ADK: variants seen among roughly 807,000 people sequenced by gnomAD.
The protein encoded by ADK is adenosine kinase, also known as N6,N6-dimethyladenosine kinase.
In ADK, 24 loss-of-function variants were observed where a neutral mutation model predicts 44.7. The ratio of observed to expected loss-of-function variants is 0.54; its 90% CI spans 0.39 to 0.76. The LOEUF (loss-of-function observed/expected upper bound fraction) is 0.76. ADK is among the 30% of genes least tolerant of loss of function. ADK has a pLI of 0.00. For missense variants in ADK, 321 were observed against 425.1 expected (o/e 0.76, Z 2.15); for synonymous variants, 128 against 142.6 (o/e 0.90, Z 0.73).
At chr10:74,462,135 T>G (rs1846192400) in intron 6 of ADK, among the ~76,000 whole-genome samples, 1 of 152,148 alleles carries the variant, frequency 6.6e-6, no homozygotes, top group Admixed American at 6.5e-5. Context: ...TTTGTTGTTT[T>G]GTTTTTATAC....
intron 7 of ADK, among the ~76,000 whole-genome samples, chr10:74,545,031 G>T (rs1236676205): frequency 6.6e-6 from 1 of 152,036 alleles, no homozygotes; most frequent in Non-Finnish European, 1.5e-5. Flanking sequence ...AACAATTGGG[G>T]TTTTACCAAA....
intron 8 of ADK, among the ~76,000 whole-genome samples, chr10:74,595,277 T>C (rs1851864890): frequency 6.6e-6 from 1 of 150,598 alleles, no homozygotes; most frequent in African/African-American, 2.4e-5. Flanking sequence ...TGTCTGGTGC[T>C]CTTTACTATA....
intron 9 of ADK, among the ~76,000 whole-genome samples, chr10:74,627,749 C>A (rs1290773799): frequency 1.3e-5 from 2 of 152,132 alleles, no homozygotes; most frequent in African/African-American, 4.8e-5. Context: ...CCTCCCACCT[C>A]AACCTCCCCA....
At chr10:74,312,320 G>A (rs1332790676) in intron 3 of ADK, among the ~76,000 whole-genome samples, 1 of 151,776 alleles carries the variant, frequency 6.6e-6, no homozygotes. Context: ...GTATATATAT[G>A]TGTGTATATA....
rs1842128326 is a variant in ADK, at chr10:74,356,004, T to TTGG, written c.274-38136_274-38135insGGT. Among the ~76,000 whole-genome samples, 10 of 2,756 alleles carry TTGG rather than the reference T, an allele frequency of 3.6e-3. 2 individuals are homozygous for TTGG. The highest frequency in any genetic ancestry group is 0.01 in the Admixed American group (2 of 198). The allele number at this position is 2,756 out of a possible 152,430, so 1.8% of individuals were successfully genotyped here. On this transcript the variant is annotated intron_variant, in intron 4 of 10. Coordinates refer to ENST00000539909, the MANE Select transcript of ADK (RefSeq NM_006721.4). The stretch of plus-strand genomic sequence containing the variant: ...TGAAATATTTCACTAAATAATTCAT[T>TTGG]TTTTTTTTTTTTTTTTTTTTTTTTT...
chr10:74,603,212 T>C (rs943836786), intron 9 of ADK, among the ~76,000 whole-genome samples: 1 of 152,120 alleles, frequency 6.6e-6, no homozygotes, highest in East Asian at 1.9e-4. Context: ...AAGGCAGTGC[T>C]AACACACATA....
chr10:74,421,921 A>G (rs1844569065), intron 6 of ADK, among the ~76,000 whole-genome samples: 1 of 152,182 alleles, frequency 6.6e-6, no homozygotes, highest in Non-Finnish European at 1.5e-5. Context: ...TAAATTGTAT[A>G]AATAAGTAAA....
chr10:74,537,580 TATTAA>T (rs1372075528), intron 7 of ADK, among the ~76,000 whole-genome samples: 2 of 152,206 alleles, frequency 1.3e-5, no homozygotes, highest in African/African-American at 4.8e-5. Flanking sequence ...TTTTCATTTT[TATTAA>T]ATTAAGAAGG....
At chr10:74,388,628 T>C (rs1843229557) in intron 4 of ADK, among the ~76,000 whole-genome samples, 1 of 152,168 alleles carries the variant, frequency 6.6e-6, no homozygotes, top group Non-Finnish European at 1.5e-5. Flanking sequence ...ATTGTAAATA[T>C]TGTTTTCTTA....
In ADK at chr10:74,608,912, A is replaced by G. The variant is rs193225012; in HGVS notation, c.877+8419A>G. ...TGGGGCTGCTGCCTTTCTTTCATAG[A>G]TGCCCTGCCCAGAGAGGAGGAATCT... On this transcript the variant is annotated intron_variant, in intron 9 of 10. Transcript: ENST00000539909. 4.8e-3 allele frequency among the ~76,000 whole-genome samples: 728 copies of G among 152,218 alleles called. 3 individuals carry two copies. The highest frequency in any genetic ancestry group is 0.016 in the African/African-American group (649 of 41,566).
chr10:74,165,884 C>T (rs1842021350), intron 1 of ADK, among the ~76,000 whole-genome samples: 1 of 152,166 alleles, frequency 6.6e-6, no homozygotes, highest in Non-Finnish European at 1.5e-5. Flanking sequence ...GTGGGATCTA[C>T]TTAGTGGTAT....
intron 10 of ADK, among the ~76,000 whole-genome samples, chr10:74,673,350 A>C (rs1415777491): frequency 1.3e-5 from 2 of 152,266 alleles, no homozygotes; most frequent in Non-Finnish European, 2.9e-5. Flanking sequence ...ATAGTGAAGC[A>C]GGATATTTCC....
At chr10:74,477,511 A>AT (rs1397128336) in intron 6 of ADK, among the ~76,000 whole-genome samples, 7 of 152,130 alleles carry the variant, frequency 4.6e-5, no homozygotes, top group Non-Finnish European at 7.3e-5. Context: ...CCTAGCCAAG[A>AT]TTTTTTAAAA....
intron 6 of ADK, among the ~76,000 whole-genome samples, chr10:74,400,227 AGTT>A (rs2132868451): frequency 6.6e-6 from 1 of 152,282 alleles, no homozygotes; most frequent in African/African-American, 2.4e-5. Context: ...AATGGATTTC[AGTT>A]GTTATCTGTG....
At chr10:74,573,444 G>A (rs1379432940) in intron 7 of ADK, among the ~76,000 whole-genome samples, 1 of 152,234 alleles carries the variant, frequency 6.6e-6, no homozygotes, top group Non-Finnish European at 1.5e-5. Context: ...AGGCTGCTCA[G>A]GGGTCAGCGG....
At chr10:74,642,000 A>G (rs906102879) in intron 9 of ADK, among the ~76,000 whole-genome samples, 1 of 152,160 alleles carries the variant, frequency 6.6e-6, no homozygotes, top group Admixed American at 6.5e-5. Context: ...TAATTCAAAT[A>G]TATTATTTGC....
At chr10:74,504,829 T>C (rs929986971) in intron 6 of ADK, among the ~76,000 whole-genome samples, 3 of 152,130 alleles carry the variant, frequency 2.0e-5, no homozygotes, top group African/African-American at 7.2e-5. Context: ...ATGACATGCC[T>C]GCTTCCCCTT....
intron 7 of ADK, chr10:74,527,759 GACTTACC>G: frequency 2.6e-6 from 4 of 1,564,178 alleles, no homozygotes; most frequent in Non-Finnish European, 3.5e-6. Context: ...TCCACTCCCA[GACTTACC>G]ACATCTGAGA....
At chr10:74,335,113 C>T (rs1841361952) in intron 4 of ADK, among the ~76,000 whole-genome samples, 2 of 152,292 alleles carry the variant, frequency 1.3e-5, no homozygotes, top group African/African-American at 4.8e-5. Flanking sequence ...ATGCAACCCT[C>T]ACATTTGTGC....
Sources: gnomAD v4.1 joint callset for allele counts (sites outside exome capture counted in the v4.1 genomes callset) on GRCh38, gnomAD v4.1.1 for gene constraint, MANE v1.5 for transcripts, NCBI Gene and HGNC (gene_info 2026-07-23, HGNC 2026-07-21) for gene names.